The following EML5 variants were observed in gnomAD, a reference collection of about 807,000 sequenced individuals.
EML5 encodes the protein EMAP like 5.
A neutral mutation model predicts 250.0 loss-of-function variants in EML5; 120 were observed. The observed-to-expected ratio is 0.48, with a 90% CI of 0.41 to 0.56. The LOEUF (loss-of-function observed/expected upper bound fraction) is 0.56. Among genes scored for constraint, EML5 ranks in the 20% least tolerant of loss-of-function variants. The pLI, the probability that EML5 is intolerant of heterozygous loss-of-function variation, is 0.00. For missense variants in EML5, 2,006 were observed against 2,437.6 expected (o/e 0.82, Z 3.73); for synonymous variants, 771 against 806.5 (o/e 0.96, Z 0.75).
intron 26 of EML5, 55 bp downstream of exon 26, chr14:88,658,132 C>G: frequency 6.4e-7 from 1 of 1,554,416 alleles, no homozygotes; most frequent in South Asian, 1.1e-5. Flanking sequence ...ACAGCTTAAA[C>G]AAGTTGTGCT....
At chr14:88,668,517 G>A (rs2092369898) in intron 21 of EML5, among the ~76,000 whole-genome samples, 1 of 152,190 alleles carries the variant, frequency 6.6e-6, no homozygotes, top group Non-Finnish European at 1.5e-5. Flanking sequence ...CAACAGATTG[G>A]CAGCAGGTTA....
intron 21 of EML5, among the ~76,000 whole-genome samples, chr14:88,680,171 T>C (rs907032442): frequency 5.3e-5 from 8 of 152,300 alleles, no homozygotes; most frequent in South Asian, 4.1e-4. Context: ...ATATTTAGTT[T>C]CACTAATTTT....
At chr14:88,701,792 CA>C in intron 14 of EML5, among the ~76,000 whole-genome samples, 1 of 152,088 alleles carries the variant, frequency 6.6e-6, no homozygotes. Flanking sequence ...TTAATTTCTC[CA>C]AACCTAAACC....
At chr14:88,721,392 C>T (rs1248063306) in intron 8 of EML5, among the ~76,000 whole-genome samples, 2 of 152,182 alleles carry the variant, frequency 1.3e-5, no homozygotes, top group Non-Finnish European at 2.9e-5. Flanking sequence ...GTAACCAAAA[C>T]AGCATGATGC....
Position 88,792,203 on chromosome 14 carries a change from G to T in EML5, c.197+104C>A. ...GAGACAGCTGCGGATTCCCCTCGGG[G>T]TGATGCTCCGTGCAGGAGCGGTCAC... On this transcript the variant is annotated intron_variant, in intron 1 of 43. Transcript: ENST00000554922. The surrounding 1 kb of genome is among the most constrained non-coding windows in gnomAD (Gnocchi z 6.9). 7.3e-7 allele frequency: 1 copy of T among 1,370,036 alleles called. No homozygotes were observed. The highest frequency in any genetic ancestry group is 9.9e-7 in the Non-Finnish European group (1 of 1,014,510). The allele number at this position is 1,370,036 out of a possible 1,614,324, so 84.9% of individuals were successfully genotyped here. A position where few individuals can be genotyped will look rare whatever the true frequency, so the allele number is the denominator to read the frequency against.
At chr14:88,776,181 A>T (rs953823966) in intron 1 of EML5, among the ~76,000 whole-genome samples, 1 of 152,138 alleles carries the variant, frequency 6.6e-6, no homozygotes, top group Non-Finnish European at 1.5e-5. Flanking sequence ...AGACAACAAT[A>T]CCTAACTCTT....
Position 88,649,812 on chromosome 14 carries a change from A to G in EML5, c.4019+100T>C, listed in dbSNP as rs562577596. ...TTTATAATGCTTTGTTGACAAATGTAGTTAAATGTTTTATAGGGAAAAAAT... is the reference window on the plus strand; with the variant it reads ...TTTATAATGCTTTGTTGACAAATGTGGTTAAATGTTTTATAGGGAAAAAAT... On this transcript the variant is annotated intron_variant, in intron 28 of 43. Coordinates refer to ENST00000554922, the MANE Select transcript of EML5 (RefSeq NM_183387.3). 3.7e-4 allele frequency: 347 copies of G among 929,522 alleles called. 6 individuals carry two copies. The South Asian group carries it at 5.6e-3, about 15-fold the overall frequency. The allele number at this position is 929,522 out of a possible 1,614,324, so 57.6% of individuals were successfully genotyped here.
At chr14:88,677,503 G>A (rs1595483694) in intron 21 of EML5, among the ~76,000 whole-genome samples, 1 of 152,174 alleles carries the variant, frequency 6.6e-6, no homozygotes, top group South Asian at 2.1e-4. Context: ...ACTGTCATCA[G>A]AATGATCAGG....
chr14:88,789,206 A>G (rs1368435437), intron 1 of EML5, among the ~76,000 whole-genome samples: 1 of 152,120 alleles, frequency 6.6e-6, no homozygotes, highest in African/African-American at 2.4e-5. Flanking sequence ...TAGACTAGAG[A>G]TTTTTATAGA....
chr14:88,745,856 G>A (rs938500282), intron 3 of EML5, among the ~76,000 whole-genome samples: 10 of 152,114 alleles, frequency 6.6e-5, no homozygotes. Flanking sequence ...GTTGATGGGT[G>A]CAGCAAACCT....
chr14:88,776,938 A>G (rs1439728231), intron 1 of EML5, among the ~76,000 whole-genome samples: 3 of 152,152 alleles, frequency 2.0e-5, no homozygotes, highest in African/African-American at 7.2e-5. Context: ...TAAGATCTAG[A>G]AAATAGTCTC....
chr14:88,618,026 A>G (rs1391810384), intron 41 of EML5: 1 of 369,194 alleles, frequency 2.7e-6, no homozygotes, highest in Non-Finnish European at 4.8e-6. Context: ...AAAAAACTTG[A>G]TAAATCATGG....
chr14:88,754,416 C>T, intron 2 of EML5, 96 bp downstream of exon 2: 1 of 1,157,640 alleles, frequency 8.6e-7, no homozygotes. Flanking sequence ...AAATAATTTT[C>T]ATCAAGTGTC....
intron 4 of EML5, among the ~76,000 whole-genome samples, chr14:88,741,200 G>C (rs747843552): frequency 6.6e-6 from 1 of 151,810 alleles, no homozygotes; most frequent in Non-Finnish European, 1.5e-5. Flanking sequence ...GTTGGGAATC[G>C]GTTAGCAATG....
intron 17 of EML5, 98 bp from the exon 18 acceptor site, chr14:88,688,571 T>C: frequency 8.2e-7 from 1 of 1,216,972 alleles, no homozygotes; most frequent in Non-Finnish European, 1.2e-6. Flanking sequence ...GTTGTTTGAA[T>C]AGTAAGGCAT....
chr14:88,671,627 AC>A (rs2092465037), intron 21 of EML5, among the ~76,000 whole-genome samples: 1 of 152,164 alleles, frequency 6.6e-6, no homozygotes, highest in African/African-American at 2.4e-5. Flanking sequence ...AAGAGTCACA[AC>A]CCACTGGTGT....
intron 8 of EML5, among the ~76,000 whole-genome samples, chr14:88,715,929 T>C (rs1420115762): frequency 6.6e-6 from 1 of 152,106 alleles, no homozygotes; most frequent in African/African-American, 2.4e-5. Context: ...TTATTGAGTA[T>C]CCAAAATAAT....
chr14:88,774,095 G>C (rs940237635), intron 1 of EML5, among the ~76,000 whole-genome samples: 2 of 152,138 alleles, frequency 1.3e-5, no homozygotes, highest in East Asian at 3.8e-4. Flanking sequence ...TCCAGCCTGG[G>C]TGACGAGAGC....
chr14:88,692,421 C>CA (rs1433579871), intron 17 of EML5, among the ~76,000 whole-genome samples: 1 of 152,122 alleles, frequency 6.6e-6, no homozygotes, highest in Admixed American at 6.5e-5. Context: ...TACATACAGA[C>CA]TTTTTTTCCT....
Sources: gnomAD v4.1 joint callset for allele counts (sites outside exome capture counted in the v4.1 genomes callset) on GRCh38, gnomAD v4.1.1 for gene constraint, Gnocchi (gnomAD v3.1) non-coding constraint, MANE v1.5 for transcripts, NCBI Gene and HGNC (gene_info 2026-07-23, HGNC 2026-07-21) for gene names.